DCC: variants seen among roughly 807,000 people sequenced by gnomAD.
DCC encodes the protein DCC netrin 1 receptor, also known as netrin receptor DCC.
DCC carries 58 observed loss-of-function variants against 172.5 expected under a neutral mutation model. The observed-to-expected ratio is 0.34, with a 90% CI of 0.27 to 0.42. The LOEUF (loss-of-function observed/expected upper bound fraction) is 0.42. DCC is among the 10% of genes least tolerant of loss of function. DCC has a pLI of 1.00. For synonymous variants in DCC, 709 were observed against 644.5 expected (o/e 1.10, Z -1.52); for missense variants, 1,740 against 1,791.0 (o/e 0.97, Z 0.51).
intron 13 of DCC, among the ~76,000 whole-genome samples, chr18:53,321,042 C>T (rs2057405575): frequency 6.6e-6 from 1 of 152,142 alleles, no homozygotes; most frequent in Non-Finnish European, 1.5e-5. Flanking sequence ...AATACCATCT[C>T]CTATTAGTAG....
intron 7 of DCC, among the ~76,000 whole-genome samples, chr18:53,114,840 AT>A (rs1598816193): frequency 6.6e-6 from 1 of 151,594 alleles, no homozygotes; most frequent in Admixed American, 6.6e-5. Context: ...CAGTTCGTTT[AT>A]TTGGGGACAA....
intron 2 of DCC, among the ~76,000 whole-genome samples, chr18:52,788,220 C>T (rs9941438): frequency 0.043 from 6,560 of 152,180 alleles, 220 homozygotes; most frequent in South Asian, 0.16. Flanking sequence ...CATTTCCATG[C>T]TTTCTTATAA....
intron 1 of DCC, among the ~76,000 whole-genome samples, chr18:52,649,393 T>G (rs1318619090): frequency 3.4e-5 from 5 of 148,926 alleles, no homozygotes; most frequent in Non-Finnish European, 7.5e-5. Flanking sequence ...AAAAAAAGAT[T>G]AACTTTATTC....
At chr18:53,024,817 A>G (rs182431964) in intron 5 of DCC, among the ~76,000 whole-genome samples, 4 of 152,286 alleles carry the variant, frequency 2.6e-5, no homozygotes, top group Admixed American at 2.6e-4. Flanking sequence ...TTCTTAATAG[A>G]TATAAATTAT....
At chr18:52,925,108 C>G in intron 4 of DCC, 126 bp from the exon 5 acceptor site, 1 of 949,152 alleles carries the variant, frequency 1.1e-6, no homozygotes, top group Non-Finnish European at 1.7e-6. Context: ...TAATCAAGCC[C>G]TTATGATACA....
intron 2 of DCC, among the ~76,000 whole-genome samples, chr18:52,773,958 T>C (rs2037385644): frequency 6.6e-6 from 1 of 152,116 alleles, no homozygotes; most frequent in Admixed American, 6.5e-5. Flanking sequence ...CCAACCAAAT[T>C]TCCCCAATAA....
chr18:52,343,534 G>A (rs530060468), intron 1 of DCC, among the ~76,000 whole-genome samples: 1 of 152,300 alleles, frequency 6.6e-6, no homozygotes, highest in South Asian at 2.1e-4. Flanking sequence ...TGATGTTGGG[G>A]GAGGAGGATG....
At chr18:52,861,701 C>T (rs2039145086) in intron 2 of DCC, among the ~76,000 whole-genome samples, 1 of 151,922 alleles carries the variant, frequency 6.6e-6, no homozygotes, top group Non-Finnish European at 1.5e-5. Context: ...AGTTCAGGAC[C>T]ACGTAATTAA....
intron 5 of DCC, among the ~76,000 whole-genome samples, chr18:53,062,963 G>C (rs1368399396): frequency 6.6e-6 from 1 of 151,944 alleles, no homozygotes; most frequent in African/African-American, 2.4e-5. Context: ...TATCAGAATA[G>C]TTTCCAAAGA....
intron 15 of DCC, among the ~76,000 whole-genome samples, chr18:53,349,708 A>G (rs534899466): frequency 2.6e-4 from 40 of 152,338 alleles, no homozygotes; most frequent in Non-Finnish European, 4.6e-4. Flanking sequence ...GAGCTTGTGC[A>G]TAGAAACTCC....
intron 12 of DCC, among the ~76,000 whole-genome samples, chr18:53,290,519 T>C (rs1241298288): frequency 6.6e-6 from 1 of 152,118 alleles, no homozygotes; most frequent in East Asian, 1.9e-4. Flanking sequence ...TGGTACATCG[T>C]GTCTTTGAGA....
At chr18:53,512,894 A>G (rs1326489439) in intron 27 of DCC, among the ~76,000 whole-genome samples, 1 of 152,180 alleles carries the variant, frequency 6.6e-6, no homozygotes, top group Admixed American at 6.5e-5. Flanking sequence ...TCTGCAGGAT[A>G]TTATCCAGGA....
chr18:52,720,085 T>C (rs2036450448), intron 1 of DCC, among the ~76,000 whole-genome samples: 1 of 152,014 alleles, frequency 6.6e-6, no homozygotes, highest in Non-Finnish European at 1.5e-5. Context: ...TATGATACGG[T>C]GGCGCAGGCA....
chr18:52,700,358 C>A (rs1276716980), intron 1 of DCC, among the ~76,000 whole-genome samples: 1 of 77,658 alleles, frequency 1.3e-5, no homozygotes, highest in African/African-American at 3.5e-5. Flanking sequence ...CACTCACATG[C>A]ACACACACAC....
intron 5 of DCC, among the ~76,000 whole-genome samples, chr18:52,996,028 CCATT>C (rs1438177722): frequency 1.3e-5 from 2 of 151,882 alleles, no homozygotes; most frequent in African/African-American, 4.8e-5. Flanking sequence ...ACCTTTGACA[CCATT>C]CAGAAGCGTT....
At chr18:52,789,451 A>G (rs1484483764) in intron 2 of DCC, among the ~76,000 whole-genome samples, 1 of 152,184 alleles carries the variant, frequency 6.6e-6, no homozygotes, top group Non-Finnish European at 1.5e-5. Context: ...ACAAACATAA[A>G]GGCCTTTTAA....
chr18:53,208,869 T>G (rs1443208351), intron 11 of DCC, among the ~76,000 whole-genome samples: 1 of 152,148 alleles, frequency 6.6e-6, no homozygotes, highest in Admixed American at 6.5e-5. Flanking sequence ...TACCTGGGAT[T>G]ACAGGTGCAT....
At chr18:52,439,173 T>TG (rs1351106422) in intron 1 of DCC, among the ~76,000 whole-genome samples, 6 of 91,654 alleles carry the variant, frequency 6.5e-5, no homozygotes, top group South Asian at 4.5e-4. Context: ...GAAGATATGT[T>TG]TTGTGTGTGT....
At chr18:53,356,870 C>T (rs1319844208) in intron 15 of DCC, among the ~76,000 whole-genome samples, 1 of 152,112 alleles carries the variant, frequency 6.6e-6, no homozygotes, top group Admixed American at 6.6e-5. Flanking sequence ...AGGCTGGGCT[C>T]CTTCTGAGTT....
Sources: allele counts gnomAD v4.1 joint callset (sites outside exome capture counted in the v4.1 genomes callset), GRCh38; gene constraint gnomAD v4.1.1; transcripts MANE v1.5; gene names NCBI Gene and HGNC (gene_info 2026-07-23, HGNC 2026-07-21).